The following ZNF423 variants were observed in gnomAD, a reference collection of about 807,000 sequenced individuals.
ZNF423 encodes Ebf-associated zinc finger protein.
ZNF423 carries 12 observed loss-of-function variants against 95.8 expected under a neutral mutation model. The ratio of observed to expected loss-of-function variants is 0.13; its 90% CI spans 0.08 to 0.20. The LOEUF (loss-of-function observed/expected upper bound fraction) is 0.20, where lower values mean the gene tolerates loss of function less well. Ranked by LOEUF, ZNF423 falls within the 10% of genes least tolerant of loss-of-function variation. ZNF423 has a pLI of 1.00. For missense variants in ZNF423, 1,316 were observed against 1,737.1 expected (o/e 0.76, Z 4.31); for synonymous variants, 749 against 711.9 (o/e 1.05, Z -0.83).
upstream of ZNF423, among the ~76,000 whole-genome samples, chr16:49,858,309 G>A (rs901948459): frequency 2.0e-5 from 3 of 150,634 alleles, no homozygotes; most frequent in African/African-American, 4.9e-5. This position sits in a 1 kb window ranked among gnomAD's most constrained non-coding sequence, Gnocchi z 4.3. Context: ...GCCGGGCCCG[G>A]CCCCGCTCAG....
chr16:49,539,307 C>T (rs60637809), intron 5 of ZNF423, among the ~76,000 whole-genome samples: 3,363 of 152,260 alleles, frequency 0.022, 131 homozygotes, highest in African/African-American at 0.077. Flanking sequence ...GGGGGTGACG[C>T]GGTGGGGCTG....
intron 5 of ZNF423, among the ~76,000 whole-genome samples, chr16:49,624,552 CA>C (rs911789011): frequency 1.4e-4 from 21 of 150,926 alleles, no homozygotes; most frequent in Middle Eastern, 3.4e-3. Flanking sequence ...GACTCTGTCT[CA>C]AAAAAAACCA....
At chr16:49,766,980 T>C (rs546943108) in intron 2 of ZNF423, among the ~76,000 whole-genome samples, 1 of 151,942 alleles carries the variant, frequency 6.6e-6, no homozygotes, top group Admixed American at 6.5e-5. Flanking sequence ...TCTTTCTTTT[T>C]TTTTTTTAGA....
chr16:49,843,307 T>G (rs1403181079), intron 1 of ZNF423, among the ~76,000 whole-genome samples: 1 of 152,212 alleles, frequency 6.6e-6, no homozygotes, highest in Non-Finnish European at 1.5e-5. Flanking sequence ...GGTGCAACGA[T>G]TCTGTAGACC....
intron 2 of ZNF423, among the ~76,000 whole-genome samples, chr16:49,738,602 C>T (rs1008447711): frequency 2.6e-5 from 4 of 152,014 alleles, no homozygotes; most frequent in South Asian, 2.1e-4. Context: ...TGTGGGGTTT[C>T]GAGGGGATAG....
intron 2 of ZNF423, among the ~76,000 whole-genome samples, chr16:49,745,680 T>C (rs1281087500): frequency 1.3e-5 from 2 of 152,178 alleles, no homozygotes; most frequent in African/African-American, 4.8e-5. Flanking sequence ...TGCCAGGAGC[T>C]TGTCACAATA....
chr16:49,568,765 T>G (rs970501088), intron 5 of ZNF423, among the ~76,000 whole-genome samples: 1 of 152,112 alleles, frequency 6.6e-6, no homozygotes, highest in Non-Finnish European at 1.5e-5. Context: ...CCCACCCAAA[T>G]CTGTGGAATA....
chr16:49,556,486 G>A (rs931309796), intron 5 of ZNF423, among the ~76,000 whole-genome samples: 8 of 152,098 alleles, frequency 5.3e-5, no homozygotes, highest in African/African-American at 1.9e-4. Flanking sequence ...CTATCAACTC[G>A]GAGGCCCCCA....
At chr16:49,668,626 G>A (rs1294692451) in intron 3 of ZNF423, among the ~76,000 whole-genome samples, 1 of 152,194 alleles carries the variant, frequency 6.6e-6, no homozygotes, top group Non-Finnish European at 1.5e-5. Flanking sequence ...CAGGGAAGGT[G>A]GCAGGAGGGT....
At chr16:49,768,810 C>G (rs927049073) in intron 2 of ZNF423, among the ~76,000 whole-genome samples, 14 of 152,104 alleles carry the variant, frequency 9.2e-5, no homozygotes, top group African/African-American at 2.9e-4. Flanking sequence ...CATCCTCCCC[C>G]GATTGCCAGA....
chr16:49,588,560 G>T (rs1055927409), intron 5 of ZNF423, among the ~76,000 whole-genome samples: 1 of 152,148 alleles, frequency 6.6e-6, no homozygotes, highest in African/African-American at 2.4e-5. Flanking sequence ...TACCCAAACA[G>T]GCTACATCCT....
chr16:49,676,672 A>T (rs929549566), intron 3 of ZNF423, among the ~76,000 whole-genome samples: 4 of 152,162 alleles, frequency 2.6e-5, no homozygotes, highest in African/African-American at 9.7e-5. Context: ...TTGACACCCT[A>T]GATGGGCATG....
intron 5 of ZNF423, among the ~76,000 whole-genome samples, chr16:49,578,393 GA>G (rs1164694440): frequency 1.3e-5 from 2 of 152,184 alleles, no homozygotes; most frequent in African/African-American, 4.8e-5. Context: ...TCTAAAACAG[GA>G]TATTAAGGGA....
At chr16:49,523,817 C>T (rs1021356603) in intron 6 of ZNF423, 78 bp from the exon 7 acceptor site, 1 of 1,169,574 alleles carries the variant, frequency 8.6e-7, no homozygotes, top group Non-Finnish European at 1.3e-6. Flanking sequence ...CCACAACACT[C>T]GCAGGCAGGG....
chr16:49,736,250 G>C (rs992781017), intron 2 of ZNF423, among the ~76,000 whole-genome samples: 2 of 152,168 alleles, frequency 1.3e-5, no homozygotes, highest in South Asian at 2.1e-4. Context: ...TCATATAAAG[G>C]TGCCATTTTT....
chr16:49,647,656 G>A (rs1009428527), intron 3 of ZNF423, among the ~76,000 whole-genome samples: 3 of 152,174 alleles, frequency 2.0e-5, no homozygotes, highest in African/African-American at 7.2e-5. Context: ...AATGTGAGCA[G>A]CCTCTAAGAA....
chr16:49,644,435 G>T (rs28507531), intron 3 of ZNF423, among the ~76,000 whole-genome samples: 5 of 150,996 alleles, frequency 3.3e-5, no homozygotes, highest in Non-Finnish European at 7.4e-5. Flanking sequence ...TGGGAGGATC[G>T]TTTGAGGTCA....
At chr16:49,749,361 C>A (rs1181143378) in intron 2 of ZNF423, among the ~76,000 whole-genome samples, 1 of 152,250 alleles carries the variant, frequency 6.6e-6, no homozygotes. Context: ...CCGGCTTTCT[C>A]CCCAGAACTG....
chr16:49,581,843 GGCACTCA>G (rs747718183), intron 5 of ZNF423, among the ~76,000 whole-genome samples: 1 of 152,206 alleles, frequency 6.6e-6, no homozygotes, highest in Non-Finnish European at 1.5e-5. Flanking sequence ...CTGGCAGACA[GGCACTCA>G]GCTTAAAAAA....
Sources: allele counts gnomAD v4.1 joint callset (sites outside exome capture counted in the v4.1 genomes callset), GRCh38; gene constraint gnomAD v4.1.1; non-coding constraint Gnocchi (gnomAD v3.1); transcripts MANE v1.5; gene names NCBI Gene and HGNC (gene_info 2026-07-23, HGNC 2026-07-21).